The following PACSIN1 variants were observed in gnomAD, a reference collection of about 807,000 sequenced individuals.
The protein encoded by PACSIN1 is protein kinase C and casein kinase substrate in neurons 1.
PACSIN1 carries 15 observed loss-of-function variants against 59.5 expected under a neutral mutation model. The observed-to-expected ratio is 0.25, with a 90% CI of 0.17 to 0.39. The LOEUF is 0.39. Ranked by LOEUF, PACSIN1 falls within the 10% of genes least tolerant of loss-of-function variation. The probability of loss-of-function intolerance (pLI) is 1.00; values close to 1 mark genes in which losing one functional copy is unlikely to be tolerated. For synonymous variants in PACSIN1, 210 were observed against 220.6 expected, an observed-to-expected ratio of 0.95 and a Z score of 0.42; for missense variants, 420 against 580.2, an observed-to-expected ratio of 0.72 and a Z score of 2.84.
At chr6:34,499,376 A>G (rs2127257379) in intron 1 of PACSIN1, among the ~76,000 whole-genome samples, 1 of 151,564 alleles carries the variant, frequency 6.6e-6, no homozygotes. Context: ...CTAACAGGCC[A>G]CAGACCAGTA....
intron 1 of PACSIN1, among the ~76,000 whole-genome samples, chr6:34,469,322 C>T (rs1766539583): frequency 6.6e-6 from 1 of 152,178 alleles, no homozygotes; most frequent in Non-Finnish European, 1.5e-5. Context: ...ATGAAGGAAG[C>T]CCATTAGCCA....
Position 34,530,590 on chromosome 6 carries a change from G to T in PACSIN1, c.1037+3G>T. ...TCCCAGGCTGGGGACCGCGGCAGGTGAGTGCCTCCTGTGGAGCTTCCTGGG... is the reference window on the plus strand; with the variant it reads ...TCCCAGGCTGGGGACCGCGGCAGGTTAGTGCCTCCTGTGGAGCTTCCTGGG... On this transcript the variant is annotated splice_donor_region_variant and intron_variant, in intron 8 of 9. Coordinates refer to ENST00000244458, the MANE Select transcript of PACSIN1 (RefSeq NM_020804.5). This position sits in a 1 kb window ranked among gnomAD's most constrained non-coding sequence, Gnocchi z 4.4. 1 of 1,565,934 alleles carries T rather than the reference G, an allele frequency of 6.4e-7. No homozygotes were observed. The highest frequency in any genetic ancestry group is 8.6e-7 in the Non-Finnish European group (1 of 1,156,934).
rs55745060 is a variant in PACSIN1 at position 34,492,195 on chromosome 6, C to CTTTT, written c.-64+25946_-64+25949dup. On this transcript the variant is annotated intron_variant, in intron 1 of 9. Coordinates refer to ENST00000244458, the MANE Select transcript of PACSIN1 (RefSeq NM_020804.5). Reference sequence around the variant, plus strand: ...TTGCCTGCATCTGTTCTTTTTTGACCTTTTTTTTTTTTTTTTTTTTTTTTG... The same window carrying CTTTT: ...TTGCCTGCATCTGTTCTTTTTTGACCTTTTTTTTTTTTTTTTTTTTTTTTTTTTG... Among the ~76,000 whole-genome samples the CTTTT allele has an allele frequency of 3.1e-3, 250 of 80,144 alleles. 1 individual carries two copies. The highest frequency in any genetic ancestry group is 5.9e-3 in the East Asian group (16 of 2,708). 52.6% of individuals were successfully genotyped at this position (80,144 alleles called of 152,430 possible). A position where few individuals can be genotyped will look rare whatever the true frequency, so the allele number is the denominator to read the frequency against.
rs117808423 is a variant in PACSIN1, at chr6:34,475,961, G to A, written c.-64+9691G>A. On this transcript the variant is annotated intron_variant, in intron 1 of 9. Transcript: ENST00000244458. ...GGATCCTCTGATTAGCGGACAAATC[G>A]TCTTAGTGGCTGCTGGTTTGTAGTT... Among the ~76,000 whole-genome samples, 87 of 152,294 alleles carry A rather than the reference G, an allele frequency of 5.7e-4. 2 individuals are homozygous for A. The East Asian group carries it at 0.014, about 24-fold the overall frequency.
At chr6:34,501,735 A>T (rs1196204429) in intron 1 of PACSIN1, among the ~76,000 whole-genome samples, 1 of 152,144 alleles carries the variant, frequency 6.6e-6, no homozygotes, top group Non-Finnish European at 1.5e-5. Flanking sequence ...GTAGGTTATT[A>T]AAAAATGCTA....
At chr6:34,479,080 C>T (rs1057056384) in intron 1 of PACSIN1, among the ~76,000 whole-genome samples, 5 of 152,194 alleles carry the variant, frequency 3.3e-5, no homozygotes, top group Non-Finnish European at 7.3e-5. Flanking sequence ...TGGCATTAAC[C>T]TAGTCATGAG....
At chr6:34,472,565 A>C (rs1304721305) in intron 1 of PACSIN1, among the ~76,000 whole-genome samples, 1 of 152,154 alleles carries the variant, frequency 6.6e-6, no homozygotes, top group East Asian at 1.9e-4. Flanking sequence ...TTTTTCTTAG[A>C]AACCTAAAAA....
intron 1 of PACSIN1, among the ~76,000 whole-genome samples, chr6:34,500,385 G>A (rs1767006215): frequency 6.6e-6 from 1 of 152,212 alleles, no homozygotes; most frequent in African/African-American, 2.4e-5. Context: ...TGATGGGAAT[G>A]TAAACTGGTA....
intron 1 of PACSIN1, among the ~76,000 whole-genome samples, chr6:34,501,491 C>T (rs1391873472): frequency 1.3e-5 from 2 of 152,228 alleles, no homozygotes; most frequent in East Asian, 1.9e-4. Flanking sequence ...AGGACCCGGG[C>T]TTGTTGAAGA....
intron 1 of PACSIN1, among the ~76,000 whole-genome samples, chr6:34,497,937 C>T (rs968704262): frequency 5.3e-5 from 8 of 152,170 alleles, no homozygotes; most frequent in Admixed American, 2.0e-4. Flanking sequence ...TAGTAGACAA[C>T]GGTTTCATTC....
In PACSIN1 at chr6:34,516,929, G is replaced by T. The variant is rs1272630390; in HGVS notation, c.-63-9314G>T. ...GAGGCCTGGAGCTCAGCAGGGGCTG[G>T]GGCCTGGGACACAGGAACAATCTGG... On this transcript the variant is annotated intron_variant, in intron 1 of 9. Transcript: ENST00000244458. This position sits in a 1 kb window ranked among gnomAD's most constrained non-coding sequence, Gnocchi z 5.4. Among the ~76,000 whole-genome samples, 1 of 152,136 alleles carries T rather than the reference G, an allele frequency of 6.6e-6. No individual in the cohort carries two copies. The highest frequency in any genetic ancestry group is 1.5e-5 in the Non-Finnish European group (1 of 67,996).
At chr6:34,509,576 A>AT (rs200662110) in intron 1 of PACSIN1, among the ~76,000 whole-genome samples, 13 of 149,204 alleles carry the variant, frequency 8.7e-5, no homozygotes, top group East Asian at 7.8e-4. Flanking sequence ...TGATTTTAAG[A>AT]TTTTTTTTTC....
At chr6:34,489,491 A>G (rs1766840971) in intron 1 of PACSIN1, among the ~76,000 whole-genome samples, 1 of 152,088 alleles carries the variant, frequency 6.6e-6, no homozygotes, top group East Asian at 1.9e-4. Flanking sequence ...ACCCACAGCC[A>G]CACCTCCTTC....
chr6:34,499,016 C>T (rs1255267089), intron 1 of PACSIN1, among the ~76,000 whole-genome samples: 1 of 151,778 alleles, frequency 6.6e-6, no homozygotes, highest in African/African-American at 2.4e-5. Flanking sequence ...AAGCACATTA[C>T]AATTATAGGG....
intron 1 of PACSIN1, among the ~76,000 whole-genome samples, chr6:34,469,394 G>A (rs1462817553): frequency 1.3e-5 from 2 of 152,164 alleles, no homozygotes; most frequent in East Asian, 1.9e-4. Flanking sequence ...AGGATGGACC[G>A]GAGGGGAGGT....
intron 1 of PACSIN1, among the ~76,000 whole-genome samples, chr6:34,505,104 G>A (rs532499830): frequency 2.0e-4 from 30 of 151,920 alleles, no homozygotes; most frequent in Admixed American, 3.3e-4. Context: ...TTGGCCCCAG[G>A]AGGCCTCAGC....
chr6:34,467,418 G>A (rs7773901), intron 1 of PACSIN1, among the ~76,000 whole-genome samples: 44,999 of 151,946 alleles, frequency 0.3, 7,647 homozygotes, highest in African/African-American at 0.47. Context: ...CTTATTGAAT[G>A]AGTGAATGTA....
intron 1 of PACSIN1, among the ~76,000 whole-genome samples, chr6:34,507,841 A>G (rs1269063192): frequency 2.0e-5 from 3 of 152,196 alleles, no homozygotes; most frequent in African/African-American, 7.2e-5. Flanking sequence ...AGTTATCATA[A>G]TATCCTCAAG....
At chr6:34,481,368 C>T (rs143954587) in intron 1 of PACSIN1, among the ~76,000 whole-genome samples, 2 of 152,140 alleles carry the variant, frequency 1.3e-5, no homozygotes, top group Non-Finnish European at 2.9e-5. Flanking sequence ...CTTTTTCATA[C>T]GTTCACACGG....
Sources: allele counts gnomAD v4.1 joint callset (sites outside exome capture counted in the v4.1 genomes callset), GRCh38; gene constraint gnomAD v4.1.1; non-coding constraint Gnocchi (gnomAD v3.1); transcripts MANE v1.5; gene names NCBI Gene and HGNC (gene_info 2026-07-23, HGNC 2026-07-21).